SYNPO2: variants seen among roughly 807,000 people sequenced by gnomAD.
SYNPO2 encodes synaptopodin 2.
A neutral mutation model predicts 85.0 loss-of-function variants in SYNPO2; 56 were observed. That is an observed-to-expected ratio of 0.66 (90% CI 0.53 to 0.82). The LOEUF is 0.82. Ranked by LOEUF, SYNPO2 falls within the 40% of genes least tolerant of loss-of-function variation. The pLI is 0.00. For missense variants in SYNPO2, 1,575 were observed against 1,534.2 expected (o/e 1.03, Z -0.44); for synonymous variants, 602 against 591.1 (o/e 1.02, Z -0.27).
chr4:118,934,034 C>A (rs1410792769), intron 1 of SYNPO2, among the ~76,000 whole-genome samples: 1 of 151,992 alleles, frequency 6.6e-6, no homozygotes, highest in East Asian at 1.9e-4. Flanking sequence ...CTAGGATTTA[C>A]GTGATTCAGA....
intron 1 of SYNPO2, among the ~76,000 whole-genome samples, chr4:118,912,149 A>G (rs556093924): frequency 1.4e-3 from 207 of 152,342 alleles, no homozygotes; most frequent in African/African-American, 4.8e-3. Flanking sequence ...ATGAAATCTA[A>G]AGAATTAATT....
chr4:118,914,769 G>A (rs908683397), intron 1 of SYNPO2, among the ~76,000 whole-genome samples: 1 of 152,046 alleles, frequency 6.6e-6, no homozygotes, highest in Non-Finnish European at 1.5e-5. Context: ...AACAGGAAGA[G>A]TGAAGATGGC....
In SYNPO2 at chr4:118,892,913, G is replaced by A. The variant is rs531289793; in HGVS notation, c.105+3772G>A. Among the ~76,000 whole-genome samples the A allele has an allele frequency of 4.6e-5, 7 of 152,044 alleles. No homozygotes were observed. In the South Asian group the frequency reaches 8.3e-4, roughly 18 times the overall value. On this transcript the variant is annotated intron_variant, in intron 1 of 4. Coordinates refer to ENST00000307142, the MANE Select transcript of SYNPO2 (RefSeq NM_133477.3). ...GTTCTTTAAGATTTTGAATAAAAAT[G>A]TATTATTTACACAAAGCACATTTCA...
At chr4:118,866,662 G>T (rs1219966886) in intron 1 of SYNPO2, among the ~76,000 whole-genome samples, 3 of 152,146 alleles carry the variant, frequency 2.0e-5, no homozygotes, top group Non-Finnish European at 4.4e-5. Flanking sequence ...AATCATGGGG[G>T]TGGACCTCCC....
chr4:118,946,627 A>G (rs1734514397), intron 1 of SYNPO2, among the ~76,000 whole-genome samples: 1 of 152,172 alleles, frequency 6.6e-6, no homozygotes, highest in African/African-American at 2.4e-5. Flanking sequence ...GCAGTAACTG[A>G]TGATCCCTTT....
At chr4:118,976,136 C>T (rs1033685341) in intron 1 of SYNPO2, among the ~76,000 whole-genome samples, 11 of 152,144 alleles carry the variant, frequency 7.2e-5, no homozygotes, top group African/African-American at 1.7e-4. Context: ...CGGACTCTCG[C>T]GGTGAGTGTT....
chr4:119,043,592 A>C (rs1442786901), intron 4 of SYNPO2: 1 of 152,206 alleles, frequency 6.6e-6, no homozygotes, highest in Admixed American at 6.5e-5. Flanking sequence ...TAGTATTAAC[A>C]TACAATGTTA....
chr4:118,946,610 C>T (rs1027644088), intron 1 of SYNPO2, among the ~76,000 whole-genome samples: 1 of 152,194 alleles, frequency 6.6e-6, no homozygotes, highest in African/African-American at 2.4e-5. Flanking sequence ...CTAAATATAA[C>T]ATGAAAGCAG....
intron 1 of SYNPO2, among the ~76,000 whole-genome samples, chr4:118,890,852 C>G (rs555591561): frequency 6.6e-6 from 1 of 152,074 alleles, no homozygotes; most frequent in South Asian, 2.1e-4. Flanking sequence ...CCCAAGTATT[C>G]TACGATCCTG....
Position 119,029,926 on chromosome 4 carries a change from C to A in SYNPO2, c.1151C>A (p.Thr384Lys). 1 of 1,613,138 alleles carries A rather than the reference C, an allele frequency of 6.2e-7. No individual in the cohort carries two copies. Among genetic ancestry groups the A allele is most frequent in the South Asian group, 1.1e-5 (1 of 91,026 alleles). The change falls in exon 4 of 5, where the codon ACG becomes AAG. Residue 384 changes from threonine (T) to lysine (K), a missense_variant. This residue lies in a region of SYNPO2 where 1,508 missense variants were observed against 1,446.8 expected (regional missense o/e 1.04). Coordinates refer to ENST00000307142, the MANE Select transcript of SYNPO2 (RefSeq NM_133477.3). The part of the protein sequence containing the change: ...SKCKSIALLL[T>K]DAPNPNSKGV... Reference sequence around the variant, plus strand: ...TGCAAAAGCATTGCCCTTCTTCTAACGGATGCTCCCAACCCCAACTCCAAG... The same window carrying A: ...TGCAAAAGCATTGCCCTTCTTCTAAAGGATGCTCCCAACCCCAACTCCAAG...
chr4:119,037,186 C>A lies in SYNPO2; in HGVS notation c.3252+5159C>A, dbSNP rs80278903. 3.0e-3 allele frequency: 4,601 copies of A among 1,543,774 alleles called. 116 individuals are homozygous for A. In the African/African-American group the frequency reaches 0.056, roughly 19 times the overall value. On this transcript the variant is annotated intron_variant, in intron 4 of 4. Transcript: ENST00000307142. ...TCCCAGCCTACCTTTCTTCCTCTACCTGATAATGATAATACTCAAAATAAC... is the reference window on the plus strand; with the variant it reads ...TCCCAGCCTACCTTTCTTCCTCTACATGATAATGATAATACTCAAAATAAC...
At chr4:118,858,180 G>A (rs1366637854) in intron 1 of SYNPO2, among the ~76,000 whole-genome samples, 1 of 152,064 alleles carries the variant, frequency 6.6e-6, no homozygotes, top group Non-Finnish European at 1.5e-5. Flanking sequence ...TCTATTGCTT[G>A]CTGGCCTTTG....
At chr4:119,032,418 T>C (rs936614048) in intron 4 of SYNPO2, 10 of 1,127,206 alleles carry the variant, frequency 8.9e-6, no homozygotes, top group Non-Finnish European at 8.7e-6. Flanking sequence ...TGTCCTCCTA[T>C]GGTGAAAGGT....
chr4:119,036,079 T>C, intron 4 of SYNPO2: 5 of 985,394 alleles, frequency 5.1e-6, no homozygotes, highest in Non-Finnish European at 6.0e-6. Flanking sequence ...AGTTATAAAC[T>C]AGGGCTCCTG....
At chr4:118,979,268 T>A (rs1405581338) in intron 1 of SYNPO2, among the ~76,000 whole-genome samples, 2 of 152,216 alleles carry the variant, frequency 1.3e-5, no homozygotes, top group Non-Finnish European at 2.9e-5. Flanking sequence ...GCTTTCCTAC[T>A]GCCGTAGCGT....
At chr4:118,900,701 C>CTATATATA (rs1194269230) in intron 1 of SYNPO2, among the ~76,000 whole-genome samples, 73 of 27,190 alleles carry the variant, frequency 2.7e-3, no homozygotes, top group East Asian at 5.6e-3. Flanking sequence ...CTCTCTCTCT[C>CTATATATA]TCTATATATA....
At position 119,058,357 on chromosome 4, in the gene SYNPO2, A is replaced by G. The variant is rs1739285279; in HGVS notation, c.*423A>G. The G allele has an allele frequency of 6.4e-6, 1 of 155,434 alleles. No individual in the cohort carries two copies. The highest frequency in any genetic ancestry group is 2.4e-5 in the African/African-American group (1 of 41,422). 9.6% of individuals were successfully genotyped at this position (155,434 alleles called of 1,614,324 possible). A position where few individuals can be genotyped will look rare whatever the true frequency, so the allele number is the denominator to read the frequency against. On this transcript the variant is annotated 3_prime_UTR_variant, in exon 5 of 5. Coordinates refer to ENST00000307142, the MANE Select transcript of SYNPO2 (RefSeq NM_133477.3). ...GGAATATGGTGTGCTAATTATCACT[A>G]CCTATAACATGAGGAATATAACATT...
At chr4:118,985,460 C>T (rs1466275639) in intron 1 of SYNPO2, among the ~76,000 whole-genome samples, 3 of 152,202 alleles carry the variant, frequency 2.0e-5, no homozygotes, top group African/African-American at 4.8e-5. Context: ...ACAATAATCT[C>T]ATCTTTTTTC....
At chr4:119,033,625 G>A in intron 4 of SYNPO2, 1 of 985,386 alleles carries the variant, frequency 1.0e-6, no homozygotes, top group Non-Finnish European at 1.2e-6. Context: ...AGGGTACACA[G>A]TACCATTTTA....
Sources: gnomAD v4.1 joint callset for allele counts (sites outside exome capture counted in the v4.1 genomes callset) on GRCh38, gnomAD v4.1.1 for gene constraint, gnomAD v4.1.1 regional missense constraint, MANE v1.5 for transcripts, NCBI Gene and HGNC (gene_info 2026-07-23, HGNC 2026-07-21) for gene names.